MARCHF5: variants seen among roughly 807,000 people sequenced by gnomAD.
The protein encoded by MARCHF5 is membrane associated ring-CH-type finger 5.
A neutral mutation model predicts 36.5 loss-of-function variants in MARCHF5; 5 were observed. That is an observed-to-expected ratio of 0.14 (90% CI 0.07 to 0.29). The LOEUF is 0.29. Ranked by LOEUF, MARCHF5 falls within the 10% of genes least tolerant of loss-of-function variation. The probability of loss-of-function intolerance (pLI) is 1.00; values close to 1 mark genes in which losing one functional copy is unlikely to be tolerated. For synonymous variants in MARCHF5, 103 were observed against 109.9 expected (o/e 0.94, Z 0.39); for missense variants, 179 against 336.3 (o/e 0.53, Z 3.66).
At chr10:92,313,252 G>GTAAA (rs1843167431) in intron 2 of MARCHF5, among the ~76,000 whole-genome samples, 1 of 151,736 alleles carries the variant, frequency 6.6e-6, no homozygotes, top group Admixed American at 6.6e-5. Flanking sequence ...AAAGAAAAGA[G>GTAAA]TAAAACTCTT....
At chr10:92,325,890 G>T (rs1389758030) in intron 2 of MARCHF5, among the ~76,000 whole-genome samples, 1 of 152,182 alleles carries the variant, frequency 6.6e-6, no homozygotes, top group Non-Finnish European at 1.5e-5. Flanking sequence ...TGTTGGCCAG[G>T]CTGGTCTCAA....
chr10:92,312,138 T>C (rs925067441), intron 2 of MARCHF5, among the ~76,000 whole-genome samples: 9 of 152,136 alleles, frequency 5.9e-5, no homozygotes, highest in African/African-American at 1.9e-4. Context: ...AAGGAAAGAA[T>C]GTCTTTGGGG....
intron 1 of MARCHF5, among the ~76,000 whole-genome samples, chr10:92,303,934 T>A (rs1843044542): frequency 6.6e-6 from 1 of 152,202 alleles, no homozygotes; most frequent in South Asian, 2.1e-4. Context: ...ACTTCCCAGA[T>A]CTCCTTTTGC....
intron 2 of MARCHF5, among the ~76,000 whole-genome samples, chr10:92,327,079 T>C (rs1843370736): frequency 6.6e-6 from 1 of 151,982 alleles, no homozygotes; most frequent in Non-Finnish European, 1.5e-5. Flanking sequence ...AACGTAAGAG[T>C]TAAAGGAACA....
At chr10:92,310,987 G>T (rs752999593) in intron 1 of MARCHF5, 148 bp from the exon 2 acceptor site, 50 of 607,932 alleles carry the variant, frequency 8.2e-5, no homozygotes, top group Non-Finnish European at 1.2e-4. Flanking sequence ...GGAATGTATT[G>T]GTTGTTTTGT....
At chr10:92,350,939 T>C in intron 5 of MARCHF5, 152 bp from the exon 6 acceptor site, 1 of 597,808 alleles carries the variant, frequency 1.7e-6, no homozygotes. Flanking sequence ...CTATCTCATC[T>C]CCTAGTAGAA....
intron 2 of MARCHF5, among the ~76,000 whole-genome samples, chr10:92,317,387 C>T (rs1331362791): frequency 6.6e-6 from 1 of 152,174 alleles, no homozygotes; most frequent in Non-Finnish European, 1.5e-5. Context: ...GTGTGAGCCA[C>T]CACGCCCAGG....
chr10:92,291,397 G>A lies in MARCHF5; in HGVS notation c.-98G>A, dbSNP rs2135165475. On this transcript the variant is annotated 5_prime_UTR_variant, in exon 1 of 6. Transcript: ENST00000358935. Reference sequence around the variant, plus strand: ...GGTGACGGGTTCGCGGCTGCCGCCGGACTGCGGCCTACTCCGCCGCCTCTC... The same window carrying A: ...GGTGACGGGTTCGCGGCTGCCGCCGAACTGCGGCCTACTCCGCCGCCTCTC... 3 of 1,127,788 alleles carry A rather than the reference G, an allele frequency of 2.7e-6. No individual in the cohort carries two copies. Among genetic ancestry groups the A allele is most frequent in the African/African-American group, 1.6e-5 (1 of 63,442 alleles). The allele number at this position is 1,127,788 out of a possible 1,614,324, so 69.9% of individuals were successfully genotyped here.
At chr10:92,306,207 C>T (rs1320650610) in intron 1 of MARCHF5, among the ~76,000 whole-genome samples, 1 of 152,186 alleles carries the variant, frequency 6.6e-6, no homozygotes, top group African/African-American at 2.4e-5. Flanking sequence ...GCTCTCCTGT[C>T]AGCAATAGCC....
chr10:92,314,786 G>T (rs1025972770), intron 2 of MARCHF5, among the ~76,000 whole-genome samples: 10 of 131,622 alleles, frequency 7.6e-5, no homozygotes, highest in Admixed American at 5.4e-4. Flanking sequence ...TTGCTATGTT[G>T]TCCAGGCTTG....
intron 3 of MARCHF5, among the ~76,000 whole-genome samples, chr10:92,344,070 C>T (rs1384795285): frequency 1.3e-5 from 2 of 151,930 alleles, no homozygotes; most frequent in Non-Finnish European, 2.9e-5. Context: ...CTTTATTGAC[C>T]ATAAGAAGTG....
At chr10:92,328,499 A>G (rs555354762) in intron 2 of MARCHF5, among the ~76,000 whole-genome samples, 13 of 151,098 alleles carry the variant, frequency 8.6e-5, no homozygotes, top group African/African-American at 2.7e-4. Flanking sequence ...GATTTTGTGC[A>G]TTCTATTTGT....
At chr10:92,313,587 A>G (rs1350402190) in intron 2 of MARCHF5, among the ~76,000 whole-genome samples, 3 of 151,658 alleles carry the variant, frequency 2.0e-5, no homozygotes, top group East Asian at 3.9e-4. Context: ...CCTGGGAGAT[A>G]GAGCGAGACG....
At chr10:92,307,596 C>A (rs1843091673) in intron 1 of MARCHF5, among the ~76,000 whole-genome samples, 1 of 151,890 alleles carries the variant, frequency 6.6e-6, no homozygotes. Flanking sequence ...CTGTGTGTGG[C>A]CAGGCGCAGT....
chr10:92,347,520 A>G (rs201222761), intron 3 of MARCHF5, among the ~76,000 whole-genome samples: 1 of 115,474 alleles, frequency 8.7e-6, no homozygotes, highest in Non-Finnish European at 1.8e-5. Flanking sequence ...ATAGATAGAT[A>G]GATGATAGAT....
In MARCHF5 at chr10:92,298,166, A is replaced by ATCTC. The variant is rs68171682; in HGVS notation, c.35+6645_35+6648dup. 2.4e-4 allele frequency among the ~76,000 whole-genome samples: 36 copies of ATCTC among 151,914 alleles called. No individual in the cohort carries two copies. The East Asian group carries it at 6.0e-3, about 25-fold the overall frequency. The stretch of plus-strand genomic sequence containing the variant: ...TGAGCTGAGATCGTGCCACTGCACG[A>ATCTC]TCTCTCTCTCTATATATGTATATGT... On this transcript the variant is annotated intron_variant, in intron 1 of 5. Transcript: ENST00000358935.
At position 92,324,890 on chromosome 10, in the gene MARCHF5, AAT is replaced by A. The variant is rs528644185; in HGVS notation, c.238+13554_238+13555del. 7.2e-5 allele frequency among the ~76,000 whole-genome samples: 11 copies of A among 152,122 alleles called. No individual in the cohort carries two copies. In the East Asian group the frequency reaches 1.9e-3, roughly 27 times the overall value. ...TTTTAACTATATTAAAACTTTTTTTAATGGCCTAACGTAGGTTTATCCTGGAG... is the reference window on the plus strand; with the variant it reads ...TTTTAACTATATTAAAACTTTTTTTAGGCCTAACGTAGGTTTATCCTGGAG... On this transcript the variant is annotated intron_variant, in intron 2 of 5. Transcript: ENST00000358935.
chr10:92,313,478 G>A (rs900354702), intron 2 of MARCHF5, among the ~76,000 whole-genome samples: 4 of 151,866 alleles, frequency 2.6e-5, no homozygotes, highest in Non-Finnish European at 4.4e-5. Flanking sequence ...GGTGGCAGGT[G>A]CCTCTAGTTC....
chr10:92,343,264 C>T (rs1349230185), intron 3 of MARCHF5, among the ~76,000 whole-genome samples: 1 of 152,150 alleles, frequency 6.6e-6, no homozygotes, highest in African/African-American at 2.4e-5. Flanking sequence ...CAAATCTAAA[C>T]CCTCCTTCCA....
Sources: gnomAD v4.1 joint callset for allele counts (sites outside exome capture counted in the v4.1 genomes callset) on GRCh38, gnomAD v4.1.1 for gene constraint, MANE v1.5 for transcripts, NCBI Gene and HGNC (gene_info 2026-07-23, HGNC 2026-07-21) for gene names.